The following PAPOLG variants were observed in gnomAD, a reference collection of about 807,000 sequenced individuals.
PAPOLG encodes the protein PAP-gamma.
A neutral mutation model predicts 99.0 loss-of-function variants in PAPOLG; 40 were observed. That is an observed-to-expected ratio of 0.40 (90% CI 0.31 to 0.53). The LOEUF is 0.53. Ranked by LOEUF, PAPOLG falls within the 20% of genes least tolerant of loss-of-function variation. PAPOLG has a pLI of 0.41. For missense variants in PAPOLG, 675 were observed against 884.1 expected (o/e 0.76, Z 3.00); for synonymous variants, 310 against 299.3 (o/e 1.04, Z -0.37).
chr2:60,759,379 G>GA (rs1194684477), intron 1 of PAPOLG, among the ~76,000 whole-genome samples: 1 of 147,560 alleles, frequency 6.8e-6, no homozygotes, highest in African/African-American at 2.5e-5. Flanking sequence ...AAAAAAAAAA[G>GA]AAAAAAAAGT....
intron 21 of PAPOLG, chr2:60,795,249 C>G (rs746949764): frequency 2.0e-6 from 1 of 512,668 alleles, no homozygotes; most frequent in East Asian, 3.9e-5. Context: ...ACTTTATTAT[C>G]TATTTAGATT....
rs1671744928 is a variant in PAPOLG, at chr2:60,797,430, A to C, written c.*270A>C. On this transcript the variant is annotated 3_prime_UTR_variant, in exon 22 of 22. Transcript: ENST00000238714. Reference sequence around the variant, plus strand: ...TTACAGCTTTGCATTTGGGGGTTTTACTGCCTTAACTTTCAATGCTTGTTA... The same window carrying C: ...TTACAGCTTTGCATTTGGGGGTTTTCCTGCCTTAACTTTCAATGCTTGTTA... 3 of 393,722 alleles carry C rather than the reference A, an allele frequency of 7.6e-6. No homozygotes were observed. The South Asian group carries it at 1.4e-4, about 18-fold the overall frequency. The allele number at this position is 393,722 out of a possible 1,614,324, so 24.4% of individuals were successfully genotyped here.
intron 15 of PAPOLG, among the ~76,000 whole-genome samples, chr2:60,789,033 T>A (rs571477236): frequency 6.6e-6 from 1 of 152,116 alleles, no homozygotes; most frequent in African/African-American, 2.4e-5. Flanking sequence ...CGTAGGGACA[T>A]GGATGAAATT....
chr2:60,765,771 T>C (rs1670659275), intron 3 of PAPOLG, among the ~76,000 whole-genome samples: 1 of 152,190 alleles, frequency 6.6e-6, no homozygotes, highest in Non-Finnish European at 1.5e-5. Context: ...ACTAAAAGAT[T>C]TTTTTAAGGT....
At position 60,767,345 on chromosome 2, in the gene PAPOLG, C is replaced by CT. The variant is rs529844444; in HGVS notation, c.247-1110dup. Among the ~76,000 whole-genome samples, 1,036 of 138,328 alleles carry CT rather than the reference C, an allele frequency of 7.5e-3. 17 individuals are homozygous for CT. Among genetic ancestry groups the CT allele is most frequent in the South Asian group, 0.072 (312 of 4,308 alleles). The allele number at this position is 138,328 out of a possible 152,430, so 90.7% of individuals were successfully genotyped here. Reference sequence around the variant, plus strand: ...AATTAGCTTTTTTTTCTTTTTCTTTCTTTTTTTTTTTTTTTGAGGCAAGGT... The same window carrying CT: ...AATTAGCTTTTTTTTCTTTTTCTTTCTTTTTTTTTTTTTTTTGAGGCAAGGT... On this transcript the variant is annotated intron_variant, in intron 3 of 21. Coordinates refer to ENST00000238714, the MANE Select transcript of PAPOLG (RefSeq NM_022894.4).
intron 15 of PAPOLG, among the ~76,000 whole-genome samples, chr2:60,790,541 T>C (rs1175902876): frequency 6.6e-6 from 1 of 152,222 alleles, no homozygotes; most frequent in Non-Finnish European, 1.5e-5. Flanking sequence ...AAGACATTTG[T>C]GTGTGAGTTA....
rs76537343 is a variant in PAPOLG, at chr2:60,777,741, C to T, written c.695-1896C>T. On this transcript the variant is annotated intron_variant, in intron 8 of 21. Coordinates refer to ENST00000238714, the MANE Select transcript of PAPOLG (RefSeq NM_022894.4). ...AGGCCATTAAGGGTTCTTAACTGGC[C>T]TAATTTAAGTATTGTTGTGTCTCCA... Among the ~76,000 whole-genome samples, 10 of 152,062 alleles carry T rather than the reference C, an allele frequency of 6.6e-5. 1 individual carries two copies. In the East Asian group the frequency reaches 1.9e-3, roughly 29 times the overall value.
In PAPOLG at chr2:60,799,406, T is replaced by C. The variant is rs1671798501; in HGVS notation, c.*2246T>C. 6.6e-6 allele frequency: 1 copy of C among 152,390 alleles called. No individual in the cohort carries two copies. Among genetic ancestry groups the C allele is most frequent in the Admixed American group, 6.5e-5 (1 of 15,282 alleles). 9.4% of individuals were successfully genotyped at this position (152,390 alleles called of 1,614,324 possible). A position where few individuals can be genotyped will look rare whatever the true frequency, so the allele number is the denominator to read the frequency against. The stretch of plus-strand genomic sequence containing the variant: ...AGATAGCATTCTTCAACCTGTTTGG[T>C]AACTGAGGAGTTGATAAAATACTTT... On this transcript the variant is annotated 3_prime_UTR_variant, in exon 22 of 22. Coordinates refer to ENST00000238714, the MANE Select transcript of PAPOLG (RefSeq NM_022894.4).
At chr2:60,780,501 C>T (rs1031065048) in intron 9 of PAPOLG, among the ~76,000 whole-genome samples, 1 of 152,150 alleles carries the variant, frequency 6.6e-6, no homozygotes, top group Non-Finnish European at 1.5e-5. Context: ...GTCTCGAACT[C>T]CTGAGCTCAG....
At chr2:60,764,719 C>T (rs1032259725) in intron 3 of PAPOLG, among the ~76,000 whole-genome samples, 2 of 152,196 alleles carry the variant, frequency 1.3e-5, no homozygotes, top group South Asian at 2.1e-4. Flanking sequence ...AGCCACCACA[C>T]CCGGTCTAGA....
intron 3 of PAPOLG, among the ~76,000 whole-genome samples, chr2:60,764,868 C>G (rs904574365): frequency 2.6e-5 from 4 of 152,112 alleles, no homozygotes; most frequent in African/African-American, 9.7e-5. Context: ...GGTATTTATG[C>G]TATTTACTTT....
intron 4 of PAPOLG, 41 bp from the exon 5 acceptor site, chr2:60,768,740 C>CA (rs1216452250): frequency 6.8e-7 from 1 of 1,462,370 alleles, no homozygotes; most frequent in African/African-American, 1.4e-5. Context: ...AAGAATATAA[C>CA]ACATAATATA....
At chr2:60,779,482 T>C (rs1671126053) in intron 8 of PAPOLG, 155 bp from the exon 9 acceptor site, 1 of 761,442 alleles carries the variant, frequency 1.3e-6, no homozygotes, top group Non-Finnish European at 2.0e-6. Context: ...TTTAATGTTT[T>C]GTTTATAGGG....
At chr2:60,779,383 T>C (rs1463229058) in intron 8 of PAPOLG, among the ~76,000 whole-genome samples, 2 of 152,152 alleles carry the variant, frequency 1.3e-5, no homozygotes, top group Non-Finnish European at 2.9e-5. Flanking sequence ...GAGGTGTCTG[T>C]ATTAGAAGGG....
chr2:60,765,730 G>A (rs772607606), intron 3 of PAPOLG, among the ~76,000 whole-genome samples: 6 of 152,130 alleles, frequency 3.9e-5, no homozygotes, highest in Non-Finnish European at 8.8e-5. Flanking sequence ...TAAATCATGC[G>A]AGAATCAGAC....
intron 21 of PAPOLG, 41 bp from the exon 22 acceptor site, chr2:60,797,021 G>T (rs773652523): frequency 6.2e-7 from 1 of 1,611,810 alleles, no homozygotes; most frequent in Non-Finnish European, 8.5e-7. Context: ...TAATATATAT[G>T]ATGTGCTTTT....
intron 13 of PAPOLG, among the ~76,000 whole-genome samples, chr2:60,786,021 C>T (rs1030587259): frequency 6.6e-6 from 1 of 152,098 alleles, no homozygotes; most frequent in Non-Finnish European, 1.5e-5. Flanking sequence ...CAGAAATCTA[C>T]TAACTTGTCA....
In PAPOLG at chr2:60,793,682, G is replaced by C; in HGVS notation, c.1735G>C (p.Ala579Pro). ...GGAGAAGCCACTGAGTGTACCACCA[G>C]CCCAAGGACTTTCCATTCCAGTGAT... ...IVEKPLSVPP[A>P]QGLSIPVIGA... Residue 579 changes from alanine to proline, a missense_variant, in exon 18 of 22, where the codon GCC (alanine) becomes CCC (proline). Around this residue, in one of 3 missense-constraint regions of PAPOLG, gnomAD observed 413 missense variants for 460.5 expected, o/e 0.90. Coordinates refer to ENST00000238714, the MANE Select transcript of PAPOLG (RefSeq NM_022894.4). The C allele has an allele frequency of 6.2e-7, 1 of 1,613,562 alleles. No homozygotes were observed. Among genetic ancestry groups the C allele is most frequent in the Non-Finnish European group, 8.5e-7 (1 of 1,179,642 alleles).
chr2:60,783,147 A>G lies in PAPOLG; in HGVS notation c.1113-9A>G. On this transcript the variant is annotated splice_polypyrimidine_tract_variant and intron_variant, in intron 12 of 21. Coordinates refer to ENST00000238714, the MANE Select transcript of PAPOLG (RefSeq NM_022894.4). ...CTTTTTTTCCTGATTGTTGCTGAAA[A>G]TTCTTCAGACATTATATAGTATTGA... 1 of 1,559,854 alleles carries G rather than the reference A, an allele frequency of 6.4e-7. No homozygotes were observed.
Sources: gnomAD v4.1 joint callset for allele counts (sites outside exome capture counted in the v4.1 genomes callset) on GRCh38, gnomAD v4.1.1 for gene constraint, gnomAD v4.1.1 regional missense constraint, MANE v1.5 for transcripts, NCBI Gene and HGNC (gene_info 2026-07-23, HGNC 2026-07-21) for gene names.